Variants in CADM2 observed in about 807,000 individuals in gnomAD.
CADM2 encodes the protein immunoglobulin superfamily member 4D.
A neutral mutation model predicts 49.8 loss-of-function variants in CADM2; 12 were observed. The observed-to-expected ratio is 0.24, with a 90% confidence interval of 0.15 to 0.39. The LOEUF (loss-of-function observed/expected upper bound fraction) is 0.39. Among genes scored for constraint, CADM2 ranks in the 10% least tolerant of loss-of-function variants. CADM2 has a pLI of 1.00. For missense variants in CADM2, 378 were observed against 492.3 expected, an observed-to-expected ratio of 0.77 and a Z score of 2.20; for synonymous variants, 214 against 175.4, an observed-to-expected ratio of 1.22 and a Z score of -1.74.
At chr3:85,693,566 C>CAAGAAA (rs2066453794) in intron 1 of CADM2, among the ~76,000 whole-genome samples, 1 of 76,124 alleles carries the variant, frequency 1.3e-5, no homozygotes, top group Admixed American at 1.6e-4. Flanking sequence ...GGCGAAAGAG[C>CAAGAAA]AAAAAAAAAA....
At chr3:85,433,839 A>C (rs2036801789) in intron 1 of CADM2, among the ~76,000 whole-genome samples, 1 of 152,148 alleles carries the variant, frequency 6.6e-6, no homozygotes, top group African/African-American at 2.4e-5. Context: ...GATACTTAGA[A>C]TCATACCAGC....
At chr3:85,027,554 G>T (rs975993298) in intron 1 of CADM2, among the ~76,000 whole-genome samples, 3 of 151,812 alleles carry the variant, frequency 2.0e-5, no homozygotes, top group Non-Finnish European at 2.9e-5. Context: ...ATATTTCATA[G>T]TATATTTTAT....
At position 86,067,082 on chromosome 3, in the gene CADM2, T is replaced by G; in HGVS notation, c.*299T>G. On this transcript the variant is annotated 3_prime_UTR_variant, in exon 10 of 10. Transcript: ENST00000383699. ...TAATCATCTCCTTGGATCATTATATTGAGTGGTTTTTATACATTAAAAAAT... is the reference window on the plus strand; with the variant it reads ...TAATCATCTCCTTGGATCATTATATGGAGTGGTTTTTATACATTAAAAAAT... 1 of 273,544 alleles carries G rather than the reference T, an allele frequency of 3.7e-6. No homozygotes were observed. Among genetic ancestry groups the G allele is most frequent in the Non-Finnish European group, 7.0e-6 (1 of 143,784 alleles). 16.9% of individuals were successfully genotyped at this position (273,544 alleles called of 1,614,324 possible).
In CADM2 at chr3:85,047,730, A is replaced by G. The variant is rs1350174841; in HGVS notation, c.61+88062A>G. ...TATCCAATGGTCTACTTGAACTCCT[A>G]TATCCAATTCTTATAAACTAGCTTA... On this transcript the variant is annotated intron_variant, in intron 1 of 9. Transcript: ENST00000383699. Among the ~76,000 whole-genome samples, 3 of 152,198 alleles carry G rather than the reference A, an allele frequency of 2.0e-5. No homozygotes were observed. In the East Asian group the frequency reaches 5.8e-4, roughly 29 times the overall value.
chr3:86,047,842 A>G (rs1449985726), intron 8 of CADM2, among the ~76,000 whole-genome samples: 2 of 152,286 alleles, frequency 1.3e-5, no homozygotes, highest in South Asian at 4.1e-4. Flanking sequence ...GACAACTTCT[A>G]CAATTAAACT....
chr3:85,822,399 C>T (rs2073639085), intron 3 of CADM2, among the ~76,000 whole-genome samples: 1 of 151,992 alleles, frequency 6.6e-6, no homozygotes, highest in Admixed American at 6.6e-5. Flanking sequence ...GCCTGGCCAA[C>T]ATGATGAAAC....
intron 2 of CADM2, among the ~76,000 whole-genome samples, chr3:85,756,945 T>C (rs1229883854): frequency 2.0e-5 from 3 of 152,106 alleles, no homozygotes; most frequent in Non-Finnish European, 4.4e-5. Context: ...GGCAAGATGG[T>C]TTAATAAAAA....
intron 1 of CADM2, among the ~76,000 whole-genome samples, chr3:85,209,822 G>T (rs74355494): frequency 0.047 from 7,103 of 152,136 alleles, 242 homozygotes; most frequent in East Asian, 0.14. Flanking sequence ...TTCACAAATG[G>T]GCACCTTGTA....
At chr3:85,695,821 G>C (rs745533641) in intron 1 of CADM2, among the ~76,000 whole-genome samples, 1 of 152,012 alleles carries the variant, frequency 6.6e-6, no homozygotes, top group Non-Finnish European at 1.5e-5. Context: ...TTAGTTCTTT[G>C]AGAAATCTCC....
At chr3:85,980,039 G>T (rs930957028) in intron 8 of CADM2, among the ~76,000 whole-genome samples, 1 of 151,456 alleles carries the variant, frequency 6.6e-6, no homozygotes, top group Non-Finnish European at 1.5e-5. Flanking sequence ...GTGGTTAGCA[G>T]CTGATGAGGA....
chr3:85,918,061 G>A (rs1000528883), intron 6 of CADM2, among the ~76,000 whole-genome samples: 7 of 151,550 alleles, frequency 4.6e-5, no homozygotes, highest in African/African-American at 1.2e-4. Context: ...GGGCTTAGAC[G>A]ATGGGGTTTT....
intron 1 of CADM2, among the ~76,000 whole-genome samples, chr3:85,629,988 T>C (rs952812476): frequency 6.6e-6 from 1 of 152,052 alleles, no homozygotes; most frequent in Non-Finnish European, 1.5e-5. Context: ...GAATTTTATC[T>C]TTTATCTGGT....
chr3:85,533,256 T>G, intron 1 of CADM2, among the ~76,000 whole-genome samples: 1 of 152,306 alleles, frequency 6.6e-6, no homozygotes. Flanking sequence ...TAATTTCCTT[T>G]ATAAGCAAAT....
At position 85,951,146 on chromosome 3, in the gene CADM2, G is replaced by A. The variant is rs1723377374; in HGVS notation, c.792-10323G>A. 2.0e-5 allele frequency among the ~76,000 whole-genome samples: 3 copies of A among 151,000 alleles called. No homozygotes were observed. In the South Asian group the frequency reaches 6.2e-4, roughly 31 times the overall value. ...ATGGGCAATGCCATCTCAATACTGA[G>A]CAAACTCTAACTCATGATAATTGTG... On this transcript the variant is annotated intron_variant, in intron 7 of 9. Transcript: ENST00000383699.
chr3:84,965,189 T>A (rs1376633244), intron 1 of CADM2, among the ~76,000 whole-genome samples: 1 of 152,216 alleles, frequency 6.6e-6, no homozygotes, highest in African/African-American at 2.4e-5. Flanking sequence ...ATGTCAAGCA[T>A]TTTTGGAGTG....
intron 1 of CADM2, among the ~76,000 whole-genome samples, chr3:85,179,712 C>T (rs893972685): frequency 2.0e-5 from 3 of 152,018 alleles, no homozygotes; most frequent in African/African-American, 7.2e-5. Flanking sequence ...TTTTTTTCCA[C>T]AAGTGCTTAG....
At chr3:85,147,199 C>T (rs1007773737) in intron 1 of CADM2, among the ~76,000 whole-genome samples, 10 of 144,468 alleles carry the variant, frequency 6.9e-5, no homozygotes, top group Middle Eastern at 3.7e-3. Context: ...GGCGAGAACC[C>T]GGGAGGCGGA....
At chr3:85,990,754 A>T (rs1728682394) in intron 8 of CADM2, among the ~76,000 whole-genome samples, 1 of 152,208 alleles carries the variant, frequency 6.6e-6, no homozygotes, top group Non-Finnish European at 1.5e-5. Context: ...AATATCAATG[A>T]GATTATCTGG....
intron 1 of CADM2, among the ~76,000 whole-genome samples, chr3:85,642,862 A>C (rs1459164397): frequency 6.6e-6 from 1 of 152,210 alleles, no homozygotes; most frequent in African/African-American, 2.4e-5. Flanking sequence ...GTATTTGGGA[A>C]ACGAATGTGA....
Sources: gnomAD v4.1 joint callset for allele counts (sites outside exome capture counted in the v4.1 genomes callset) on GRCh38, gnomAD v4.1.1 for gene constraint, MANE v1.5 for transcripts, NCBI Gene and HGNC (gene_info 2026-07-23, HGNC 2026-07-21) for gene names.